Variants in PAPPA observed in about 807,000 individuals in gnomAD.
The protein encoded by PAPPA is pappalysin 1.
Under a neutral mutation model 164.0 loss-of-function variants are expected in PAPPA, and 60 were observed. The ratio of observed to expected loss-of-function variants is 0.37; its 90% CI spans 0.30 to 0.45. The LOEUF (loss-of-function observed/expected upper bound fraction) is 0.45, where lower values mean the gene tolerates loss of function less well. PAPPA is among the 20% of genes least tolerant of loss of function. The probability of loss-of-function intolerance (pLI) is 1.00; values close to 1 mark genes in which losing one functional copy is unlikely to be tolerated. For missense variants in PAPPA, 1,782 were observed against 2,087.3 expected (o/e 0.85, Z 2.85); for synonymous variants, 875 against 814.1 (o/e 1.07, Z -1.27).
intron 1 of PAPPA, among the ~76,000 whole-genome samples, chr9:116,176,352 G>T (rs1256032838): frequency 6.6e-6 from 1 of 152,190 alleles, no homozygotes; most frequent in African/African-American, 2.4e-5. Context: ...TTAGGAAGAT[G>T]AATCTGGTGA....
At chr9:116,188,871 C>G (rs2118633131) in intron 2 of PAPPA, among the ~76,000 whole-genome samples, 1 of 152,260 alleles carries the variant, frequency 6.6e-6, no homozygotes, top group East Asian at 1.9e-4. Flanking sequence ...ATAATGGTAC[C>G]TATTTTGTCA....
At position 116,367,682 on chromosome 9, in the gene PAPPA, C is replaced by A; in HGVS notation, c.4533C>A (p.Ser1511Arg). The part of the protein sequence containing the change: ...ECATSCLDHN[S>R]ESIILPMNVT... ...CCACCTCGTGCCTGGACCACAACAG[C>A]GAGTCCATCATCCTGCCAATGAACG... Residue 1511 changes from serine to arginine, a missense_variant, in exon 19 of 22, where the codon AGC (serine) becomes AGA (arginine). Physicochemically the swap from Ser to Arg is moderately radical, Grantham distance 110 (BLOSUM62 -1). Transcript: ENST00000328252. 1 of 1,614,036 alleles carries A rather than the reference C, an allele frequency of 6.2e-7. No homozygotes were observed. Among genetic ancestry groups the A allele is most frequent in the South Asian group, 1.1e-5 (1 of 91,054 alleles).
chr9:116,290,640 T>C (rs73654693), intron 9 of PAPPA, among the ~76,000 whole-genome samples: 44 of 152,178 alleles, frequency 2.9e-4, no homozygotes, highest in African/African-American at 1.0e-3. Flanking sequence ...TTTGAGAAAG[T>C]GTCTCATATT....
chr9:116,308,058 A>G (rs1438045784), intron 10 of PAPPA, among the ~76,000 whole-genome samples: 1 of 152,234 alleles, frequency 6.6e-6, no homozygotes. Flanking sequence ...CCCACACAGA[A>G]CAGAAGCTCA....
intron 1 of PAPPA, among the ~76,000 whole-genome samples, chr9:116,169,193 T>C (rs983794639): frequency 1.3e-5 from 2 of 152,036 alleles, no homozygotes; most frequent in Non-Finnish European, 2.9e-5. Flanking sequence ...GAAATGTATA[T>C]GCTTATCATC....
intron 10 of PAPPA, among the ~76,000 whole-genome samples, chr9:116,316,842 A>G (rs1445012857): frequency 3.9e-5 from 6 of 152,180 alleles, no homozygotes; most frequent in South Asian, 2.1e-4. Context: ...CCTAGACAAG[A>G]GTACTGCCTC....
At chr9:116,376,262 A>G (rs533076965) in intron 19 of PAPPA, among the ~76,000 whole-genome samples, 84 of 152,146 alleles carry the variant, frequency 5.5e-4, no homozygotes, top group Non-Finnish European at 1.1e-3. Flanking sequence ...CTCATGATCC[A>G]CCTGCCTCGG....
At chr9:116,182,157 A>AGAAAT in intron 1 of PAPPA, among the ~76,000 whole-genome samples, 1 of 152,204 alleles carries the variant, frequency 6.6e-6, no homozygotes. Context: ...CTGAAGAGGG[A>AGAAAT]GCAATGCTGA....
intron 7 of PAPPA, among the ~76,000 whole-genome samples, chr9:116,246,318 G>T (rs974801421): frequency 1.3e-5 from 2 of 151,922 alleles, no homozygotes; most frequent in African/African-American, 4.8e-5. Context: ...TAAAATAATG[G>T]GTTTGATGAC....
At chr9:116,385,262 T>G in intron 21 of PAPPA, among the ~76,000 whole-genome samples, 1 of 146,050 alleles carries the variant, frequency 6.8e-6, no homozygotes, top group Admixed American at 6.8e-5. Context: ...AATAAATAAA[T>G]AAATAAATAA....
chr9:116,382,781 TG>T (rs756357985), intron 21 of PAPPA, among the ~76,000 whole-genome samples: 8 of 151,976 alleles, frequency 5.3e-5, no homozygotes, highest in Admixed American at 2.6e-4. Flanking sequence ...ACAAAGTGCT[TG>T]GGGGGCTAGG....
At chr9:116,383,685 T>C (rs1273545081) in intron 21 of PAPPA, among the ~76,000 whole-genome samples, 1 of 152,192 alleles carries the variant, frequency 6.6e-6, no homozygotes, top group Non-Finnish European at 1.5e-5. Flanking sequence ...AGATGGCTGT[T>C]AGTTACTGAA....
At chr9:116,379,256 T>C (rs1846695187) in intron 20 of PAPPA, among the ~76,000 whole-genome samples, 1 of 152,216 alleles carries the variant, frequency 6.6e-6, no homozygotes, top group Non-Finnish European at 1.5e-5. Context: ...TAGTGCCTTG[T>C]CTGGAGCTGA....
Position 116,396,557 on chromosome 9 carries a change from C to T in PAPPA, c.4825C>T (p.Arg1609Trp), listed in dbSNP as rs750316557. 7 of 780,860 alleles carry T rather than the reference C, an allele frequency of 9.0e-6. No individual in the cohort carries two copies. Among genetic ancestry groups the T allele is most frequent in the East Asian group, 4.9e-5 (2 of 41,218 alleles). The allele number at this position is 780,860 out of a possible 1,614,324, so 48.4% of individuals were successfully genotyped here. ...SCDLQGDCAC[R>W]DPQAQEHSRK... ...TGATCTACAAGGTGACTGTGCTTGT[C>T]GGGACCCCCAGGCCCAAGAACACAG... Residue 1609 changes from arginine to tryptophan, a missense_variant, in exon 22 of 22, where the codon CGG becomes TGG. Physicochemically the swap from Arg to Trp is moderately radical, Grantham distance 101. This residue lies in a region of PAPPA where 1,324 missense variants were observed against 1,656.9 expected (regional missense o/e 0.80). Coordinates refer to ENST00000328252, the MANE Select transcript of PAPPA (RefSeq NM_002581.5).
At chr9:116,166,835 C>T (rs989360137) in intron 1 of PAPPA, among the ~76,000 whole-genome samples, 3 of 152,078 alleles carry the variant, frequency 2.0e-5, no homozygotes, top group Non-Finnish European at 2.9e-5. Context: ...TTGCTTGGAA[C>T]ACCGCAATTA....
chr9:116,242,805 T>G (rs1844751388), intron 7 of PAPPA, among the ~76,000 whole-genome samples: 1 of 152,232 alleles, frequency 6.6e-6, no homozygotes, highest in Non-Finnish European at 1.5e-5. Context: ...CAAGACCTGC[T>G]ATTTTGTATC....
chr9:116,156,467 C>A (rs2118967457), intron 1 of PAPPA, among the ~76,000 whole-genome samples: 1 of 151,642 alleles, frequency 6.6e-6, no homozygotes, highest in Non-Finnish European at 1.5e-5. Flanking sequence ...CTCTCTCACA[C>A]AAAGATTGTT....
intron 12 of PAPPA, among the ~76,000 whole-genome samples, 197 bp from the exon 13 acceptor site, chr9:116,334,664 G>A (rs1030638004): frequency 2.0e-5 from 3 of 152,030 alleles, no homozygotes; most frequent in African/African-American, 2.4e-5. Flanking sequence ...CAGGGGGATT[G>A]GAAAGATTTG....
intron 2 of PAPPA, among the ~76,000 whole-genome samples, chr9:116,193,176 C>G (rs945979875): frequency 1.3e-5 from 2 of 151,866 alleles, no homozygotes; most frequent in African/African-American, 4.8e-5. Context: ...TCCCCTGAGG[C>G]CAGGTTTTTG....
Sources: gnomAD v4.1 joint callset for allele counts (sites outside exome capture counted in the v4.1 genomes callset) on GRCh38, gnomAD v4.1.1 for gene constraint, gnomAD v4.1.1 regional missense constraint, MANE v1.5 for transcripts, NCBI Gene and HGNC (gene_info 2026-07-23, HGNC 2026-07-21) for gene names.